Variants in CFAP418 observed in about 807,000 individuals in gnomAD.
The protein encoded by CFAP418 is cilia- and flagella-associated protein 418.
A neutral mutation model predicts 24.7 loss-of-function variants in CFAP418; 27 were observed. That is an observed-to-expected ratio of 1.09 (90% confidence interval 0.81 to 1.51). The LOEUF (loss-of-function observed/expected upper bound fraction) is 1.51, where lower values mean the gene tolerates loss of function less well. Ranked by LOEUF, CFAP418 falls within the 40% of genes most tolerant of loss-of-function variation. The pLI is 0.00. For synonymous variants in CFAP418, 74 were observed against 87.3 expected (o/e 0.85, Z 0.85); for missense variants, 257 against 255.2 (o/e 1.01, Z -0.05).
Position 95,247,331 on chromosome 8 carries a change from T to C in CFAP418, c.*286A>G. The C allele has an allele frequency of 2.7e-6, 1 of 372,592 alleles. No homozygotes were observed. The highest frequency in any genetic ancestry group is 3.9e-5 in the South Asian group (1 of 25,922). The allele number at this position is 372,592 out of a possible 1,614,324, so 23.1% of individuals were successfully genotyped here. ...GCTAATGAAAAACTAGATATTTGTA[T>C]GGAACTCCATAATCAAACCTCTATT... On this transcript the variant is annotated 3_prime_UTR_variant, in exon 6 of 6. Coordinates refer to ENST00000286688, the MANE Select transcript of CFAP418 (RefSeq NM_177965.4).
intron 2 of CFAP418, 25 bp downstream of exon 2, chr8:95,263,662 T>C: frequency 1.4e-6 from 2 of 1,389,402 alleles, no homozygotes; most frequent in South Asian, 1.2e-5. Context: ...ACAGAATTAC[T>C]ACATATTTAT....
intron 5 of CFAP418, among the ~76,000 whole-genome samples, chr8:95,251,824 G>C (rs959861800): frequency 3.3e-5 from 5 of 152,166 alleles, no homozygotes; most frequent in Non-Finnish European, 7.3e-5. Flanking sequence ...AGATGGTATA[G>C]CCTACCACAC....
At chr8:95,268,329 T>G (rs1812040245) in intron 1 of CFAP418, among the ~76,000 whole-genome samples, 2 of 151,902 alleles carry the variant, frequency 1.3e-5, no homozygotes, top group African/African-American at 4.8e-5. Flanking sequence ...CCAGTTTACG[T>G]AATCCCAGAT....
At chr8:95,258,819 C>T (rs1034603105) in intron 4 of CFAP418, among the ~76,000 whole-genome samples, 2 of 152,206 alleles carry the variant, frequency 1.3e-5, no homozygotes, top group Admixed American at 1.3e-4. Context: ...CATTGTGTTA[C>T]CACTGCCTAC....
In CFAP418 at chr8:95,266,337, A is replaced by AT. The variant is rs111762851; in HGVS notation, c.156-2564dup. ...TCTCAACCCACATCAGTCTTTTTTAATTTTTTTACTAATCACATATTTCTT... is the reference window on the plus strand; with the variant it reads ...TCTCAACCCACATCAGTCTTTTTTAATTTTTTTTACTAATCACATATTTCTT... On this transcript the variant is annotated intron_variant, in intron 1 of 5. Transcript: ENST00000286688. Among the ~76,000 whole-genome samples the AT allele has an allele frequency of 8.6e-3, 1,313 of 152,138 alleles. 23 individuals carry two copies. Among genetic ancestry groups the AT allele is most frequent in the African/African-American group, 0.031 (1,267 of 41,510 alleles).
At chr8:95,262,803 G>A (rs1311331857) in intron 2 of CFAP418, among the ~76,000 whole-genome samples, 2 of 152,190 alleles carry the variant, frequency 1.3e-5, no homozygotes, top group South Asian at 2.1e-4. Context: ...TAATGAAGGC[G>A]TAATCACTGG....
Position 95,260,456 on chromosome 8 carries a change from A to G in CFAP418, c.308+12T>C. 1 of 1,572,726 alleles carries G rather than the reference A, an allele frequency of 6.4e-7. No homozygotes were observed. Among genetic ancestry groups the G allele is most frequent in the Non-Finnish European group, 8.6e-7 (1 of 1,159,170 alleles). Reference sequence around the variant, plus strand: ...ATAGTGTGTATAATTCACCAAAGCAATCTCAACTTACCTTTTACCAAGGCC... The same window carrying G: ...ATAGTGTGTATAATTCACCAAAGCAGTCTCAACTTACCTTTTACCAAGGCC... On this transcript the variant is annotated intron_variant, in intron 3 of 5. Transcript: ENST00000286688.
rs1235116633 is a variant in CFAP418 at position 95,245,923 on chromosome 8, CA to C, written c.*1693del. The C allele has an allele frequency of 1.3e-5, 2 of 151,792 alleles. No homozygotes were observed. The highest frequency in any genetic ancestry group is 4.8e-5 in the African/African-American group (2 of 41,310). The allele number at this position is 151,792 out of a possible 1,614,324, so 9.4% of individuals were successfully genotyped here. Reference sequence around the variant, plus strand: ...TCGACATCCCCCTAGGTTTCTGACTCAATTACATATAGATATAACTTTAGGG... The same window carrying C: ...TCGACATCCCCCTAGGTTTCTGACTCATTACATATAGATATAACTTTAGGG... On this transcript the variant is annotated 3_prime_UTR_variant, in exon 6 of 6. Transcript: ENST00000286688.
At chr8:95,259,739 A>G in intron 4 of CFAP418, 101 bp downstream of exon 4, 1 of 866,208 alleles carries the variant, frequency 1.2e-6, no homozygotes, top group Non-Finnish European at 1.9e-6. Flanking sequence ...ACCTCTCCTT[A>G]TAAAACAGAT....
chr8:95,253,234 C>T (rs183500113), intron 4 of CFAP418, among the ~76,000 whole-genome samples: 110 of 151,870 alleles, frequency 7.2e-4, no homozygotes, highest in African/African-American at 2.5e-3. Flanking sequence ...GGCGTGAACC[C>T]GGGAGGCGGA....
At position 95,247,639 on chromosome 8, in the gene CFAP418, C is replaced by G. The variant is rs115660509; in HGVS notation, c.602G>C (p.Arg201Pro). 4 of 1,614,070 alleles carry G rather than the reference C, an allele frequency of 2.5e-6. No homozygotes were observed. The East Asian group carries it at 6.7e-5, about 27-fold the overall frequency. Residue 201 changes from arginine (R) to proline (P), a missense_variant, in exon 6 of 6, where the codon CGC (arginine) becomes CCC (proline). Arg to Pro is a moderately radical substitution (Grantham distance 103, BLOSUM62 -2). Coordinates refer to ENST00000286688, the MANE Select transcript of CFAP418 (RefSeq NM_177965.4). ...VTDLQTDHQL[R>P]WVCGKH ...TTCTTAATGTTTACCACAAACCCAG[C>G]GAAGCTGATGATCTGTCTGAAGGTC...
chr8:95,269,024 G>A lies in CFAP418; in HGVS notation c.155+11C>T, dbSNP rs756213021. 4 of 1,613,208 alleles carry A rather than the reference G, an allele frequency of 2.5e-6. No homozygotes were observed. In the East Asian group the frequency reaches 6.7e-5, roughly 27 times the overall value. ...TTTACCAGAACAGTCCACCCCTCCC[G>A]CCCGGTTAACCTGAGCGTCTCTTTC... On this transcript the variant is annotated intron_variant, in intron 1 of 5. Transcript: ENST00000286688.
Position 95,248,997 on chromosome 8 carries a change from G to A in CFAP418, c.471-1227C>T, listed in dbSNP as rs187896571. Among the ~76,000 whole-genome samples, 510 of 152,188 alleles carry A rather than the reference G, an allele frequency of 3.4e-3. 7 individuals are homozygous for A. Among genetic ancestry groups the A allele is most frequent in the African/African-American group, 0.012 (486 of 41,520 alleles). On this transcript the variant is annotated intron_variant, in intron 5 of 5. Transcript: ENST00000286688. ...TTCCAAGCCAACTGTCTGACTTCAGGAAACAGACTGACTAGCTAAACGACT... is the reference window on the plus strand; with the variant it reads ...TTCCAAGCCAACTGTCTGACTTCAGAAAACAGACTGACTAGCTAAACGACT...
Position 95,252,217 on chromosome 8 carries a change from C to T in CFAP418, c.441G>A (p.Trp147Ter). 1 of 1,612,676 alleles carries T rather than the reference C, an allele frequency of 6.2e-7. No individual in the cohort carries two copies. The highest frequency in any genetic ancestry group is 8.5e-7 in the Non-Finnish European group (1 of 1,179,306). The change falls in exon 5 of 6, where the codon TGG (tryptophan) becomes TGA (stop). Residue 147 changes from tryptophan (W) to a stop codon, truncating the protein, a stop_gained. Transcript: ENST00000286688. LOFTEE classifies it high-confidence loss of function. ...AAAACAGATAATCACACGATTTGTC[C>T]CACATATAGTCATCATAGCTGACTA... ...FLVVSYDDYM[W>*]DKSCDYLFFR...
At chr8:95,252,913 A>G (rs1563470946) in intron 4 of CFAP418, among the ~76,000 whole-genome samples, 1 of 152,354 alleles carries the variant, frequency 6.6e-6, no homozygotes, top group African/African-American at 2.4e-5. Flanking sequence ...CTGGAGGGAT[A>G]TCTGAAGCAA....
Position 95,260,523 on chromosome 8 carries a change from A to G in CFAP418, c.253T>C (p.Ser85Pro). 1 of 1,580,996 alleles carries G rather than the reference A, an allele frequency of 6.3e-7. No individual in the cohort carries two copies. The highest frequency in any genetic ancestry group is 1.2e-5 in the South Asian group (1 of 84,376). Residue 85 changes from serine (S) to proline (P), a missense_variant, in exon 3 of 6, where the codon TCT becomes CCT. By Grantham distance (74) the Ser-to-Pro change is moderately conservative. Transcript: ENST00000286688. ...NLDKKPSKLK[S>P]KSSGNTSVRA... The stretch of plus-strand genomic sequence containing the variant: ...ACAGATGTGTTACCTGAAGATTTAG[A>G]TTTTAATTTCTGTTAAAAAAGCAAA...
chr8:95,261,331 T>C (rs1404613530), intron 2 of CFAP418, among the ~76,000 whole-genome samples: 2 of 152,020 alleles, frequency 1.3e-5, no homozygotes, highest in Non-Finnish European at 2.9e-5. Flanking sequence ...GGAAAAAATT[T>C]TGGTACATGT....
chr8:95,266,990 G>A (rs949780745), intron 1 of CFAP418, among the ~76,000 whole-genome samples: 2 of 152,166 alleles, frequency 1.3e-5, no homozygotes, highest in African/African-American at 4.8e-5. Context: ...AAAGCTCCTT[G>A]ATAGACTAGT....
intron 1 of CFAP418, among the ~76,000 whole-genome samples, chr8:95,264,807 A>G (rs761196317): frequency 8.5e-5 from 13 of 152,164 alleles, no homozygotes; most frequent in Non-Finnish European, 1.3e-4. Flanking sequence ...GCTGCCTACT[A>G]CCTAATGGTT....
Sources: gnomAD v4.1 joint callset for allele counts (sites outside exome capture counted in the v4.1 genomes callset) on GRCh38, gnomAD v4.1.1 for gene constraint, MANE v1.5 for transcripts, NCBI Gene and HGNC (gene_info 2026-07-23, HGNC 2026-07-21) for gene names.